ARHGAP24: variants seen among roughly 807,000 people sequenced by gnomAD.
ARHGAP24 encodes Rho GTPase activating protein 24, also known as rho GTPase-activating protein 24.
ARHGAP24 carries 50 observed loss-of-function variants against 76.4 expected under a neutral mutation model. That is an observed-to-expected ratio of 0.65 (90% CI 0.52 to 0.83). The LOEUF is 0.83. ARHGAP24 is among the 40% of genes least tolerant of loss of function. The probability of loss-of-function intolerance (pLI) is 0.00; values close to 1 mark genes in which losing one functional copy is unlikely to be tolerated. For synonymous variants in ARHGAP24, 345 were observed against 323.3 expected (o/e 1.07, Z -0.72); for missense variants, 930 against 914.2 (o/e 1.02, Z -0.22).
chr4:85,608,551 GTTTTTTTTTTTTTT>G (rs141361475), intron 2 of ARHGAP24, among the ~76,000 whole-genome samples: 1 of 73,186 alleles, frequency 1.4e-5, no homozygotes, highest in African/African-American at 5.5e-5. Flanking sequence ...TTGTTTGGTT[GTTTTTTTTTTTTTT>G]TTTTTTTTTT....
At chr4:85,576,227 C>T (rs1040412302) in intron 2 of ARHGAP24, among the ~76,000 whole-genome samples, 2 of 151,388 alleles carry the variant, frequency 1.3e-5, no homozygotes, top group Non-Finnish European at 2.9e-5. Context: ...CAGATCGAGA[C>T]TATCCTGGCT....
At chr4:85,598,879 C>A (rs935402861) in intron 2 of ARHGAP24, among the ~76,000 whole-genome samples, 3 of 150,216 alleles carry the variant, frequency 2.0e-5, no homozygotes, top group Admixed American at 2.0e-4. Context: ...TTCCCAGGAG[C>A]CTAATTAAGA....
At chr4:85,776,866 G>A (rs562595799) in intron 3 of ARHGAP24, among the ~76,000 whole-genome samples, 60 of 151,988 alleles carry the variant, frequency 3.9e-4, no homozygotes, top group Non-Finnish European at 7.2e-4. Flanking sequence ...CTTTCTAATG[G>A]ACTAAAGGTA....
intron 2 of ARHGAP24, among the ~76,000 whole-genome samples, chr4:85,608,314 A>G (rs1012433069): frequency 3.9e-5 from 6 of 152,108 alleles, no homozygotes; most frequent in African/African-American, 1.4e-4. Flanking sequence ...ATGCATCTCT[A>G]TTTTTGTCAA....
At chr4:85,980,866 G>A (rs145852238) in intron 8 of ARHGAP24, among the ~76,000 whole-genome samples, 4 of 152,264 alleles carry the variant, frequency 2.6e-5, no homozygotes, top group Admixed American at 6.5e-5. Context: ...AAGCAGTGAC[G>A]GGTACAGCAG....
chr4:85,943,072 T>A (rs1193729128), intron 5 of ARHGAP24, among the ~76,000 whole-genome samples: 1 of 152,204 alleles, frequency 6.6e-6, no homozygotes, highest in Non-Finnish European at 1.5e-5. Context: ...TATTCACAAC[T>A]ATTTCAATAT....
rs1032124330 is a variant in ARHGAP24 at position 85,672,382 on chromosome 4, C to T, written c.181-49503C>T. Among the ~76,000 whole-genome samples, 110 of 152,144 alleles carry T rather than the reference C, an allele frequency of 7.2e-4. 1 individual carries two copies. The highest frequency in any genetic ancestry group is 1.9e-4 in the Non-Finnish European group (13 of 68,026). ...AGTGAGCAAGTGGTTTCTCAACTCT[C>T]GGACTTCCTAACTTTGTTTCAGTTA... On this transcript the variant is annotated intron_variant, in intron 2 of 9. Transcript: ENST00000395184.
intron 1 of ARHGAP24, 114 bp from the exon 2 acceptor site, chr4:85,570,406 CTT>C: frequency 2.2e-5 from 4 of 181,060 alleles, no homozygotes; most frequent in Non-Finnish European, 2.6e-5. Context: ...TTCTTTCTTT[CTT>C]TCTTTCTTTC....
intron 2 of ARHGAP24, among the ~76,000 whole-genome samples, chr4:85,666,567 C>A (rs1362600700): frequency 1.3e-5 from 2 of 152,196 alleles, no homozygotes; most frequent in African/African-American, 4.8e-5. Context: ...GGAGGAGAGG[C>A]ACTCTGCTTG....
chr4:85,664,255 G>A (rs891946168), intron 2 of ARHGAP24, among the ~76,000 whole-genome samples: 9 of 151,010 alleles, frequency 6.0e-5, no homozygotes, highest in Non-Finnish European at 1.2e-4. Context: ...TGTATGTGTC[G>A]AGGAATTTAT....
At chr4:85,723,503 T>G (rs1460985346) in intron 3 of ARHGAP24, 1 of 152,212 alleles carries the variant, frequency 6.6e-6, no homozygotes, top group Non-Finnish European at 1.5e-5. Context: ...GAACAAAGCC[T>G]AAGAAGTTTA....
At chr4:85,901,688 T>C (rs1261719957) in intron 3 of ARHGAP24, among the ~76,000 whole-genome samples, 1 of 152,164 alleles carries the variant, frequency 6.6e-6, no homozygotes, top group Non-Finnish European at 1.5e-5. Flanking sequence ...ATACTTATAC[T>C]CCAAGAATGT....
chr4:85,580,368 G>A lies in ARHGAP24; in HGVS notation c.180+9647G>A, dbSNP rs150534163. 5.3e-5 allele frequency among the ~76,000 whole-genome samples: 8 copies of A among 152,140 alleles called. No homozygotes were observed. In the South Asian group the frequency reaches 1.0e-3, roughly 20 times the overall value. On this transcript the variant is annotated intron_variant, in intron 2 of 9. Coordinates refer to ENST00000395184, the MANE Select transcript of ARHGAP24 (RefSeq NM_001025616.3). ...ATTTGTGGCTGTTGATGACCATCTC[G>A]ACTTCCCAGATGTTAAATATGACAA...
At position 85,570,698 on chromosome 4, in the gene ARHGAP24, G is replaced by T. The variant is rs538054156; in HGVS notation, c.157G>T (p.Asp53Tyr). The T allele has an allele frequency of 1.2e-6, 2 of 1,614,088 alleles. No individual in the cohort carries two copies. Among genetic ancestry groups the T allele is most frequent in the East Asian group, 4.5e-5 (2 of 44,874 alleles). The stretch of plus-strand genomic sequence containing the variant: ...GGGGGATCAGCTCTATTATTTCAAA[G>T]ATGAAGATGAAACCAAGCCCTTGGT... ...LKGDQLYYFK[D>Y]EDETKPLGTI... The change falls in exon 2 of 10, where the codon GAT (aspartate) becomes TAT (tyrosine). Residue 53 changes from aspartate (D) to tyrosine (Y), a missense_variant. Transcript: ENST00000395184.
At chr4:85,687,571 A>C (rs898272965) in intron 2 of ARHGAP24, among the ~76,000 whole-genome samples, 22 of 152,162 alleles carry the variant, frequency 1.4e-4, no homozygotes, top group Admixed American at 2.0e-4. Context: ...AGCTGCATTC[A>C]TATTGCAGCA....
intron 1 of ARHGAP24, among the ~76,000 whole-genome samples, chr4:85,541,334 T>C (rs915248178): frequency 4.4e-5 from 6 of 136,790 alleles, no homozygotes; most frequent in Non-Finnish European, 8.9e-5. Context: ...TTTGTATTTT[T>C]AGTAGAGACG....
intron 1 of ARHGAP24, among the ~76,000 whole-genome samples, chr4:85,497,655 C>G (rs1308019221): frequency 6.6e-6 from 1 of 152,088 alleles, no homozygotes; most frequent in Non-Finnish European, 1.5e-5. Context: ...AACCCTATTT[C>G]TACTAAAAAT....
At chr4:85,649,658 T>G (rs904939027) in intron 2 of ARHGAP24, among the ~76,000 whole-genome samples, 30 of 152,154 alleles carry the variant, frequency 2.0e-4, no homozygotes, top group African/African-American at 6.5e-4. Flanking sequence ...TTCTCAAAAT[T>G]TGTTGTCTTC....
At chr4:85,856,286 A>G (rs919167568) in intron 3 of ARHGAP24, among the ~76,000 whole-genome samples, 3 of 152,010 alleles carry the variant, frequency 2.0e-5, no homozygotes, top group Non-Finnish European at 2.9e-5. Context: ...GTATGTACAG[A>G]ATAATCTCAT....
Sources: allele counts gnomAD v4.1 joint callset (sites outside exome capture counted in the v4.1 genomes callset), GRCh38; gene constraint gnomAD v4.1.1; transcripts MANE v1.5; gene names NCBI Gene and HGNC (gene_info 2026-07-23, HGNC 2026-07-21).